DENND1B: variants seen among roughly 807,000 people sequenced by gnomAD.
DENND1B encodes the protein DENN domain-containing protein 1B.
Under a neutral mutation model 90.1 loss-of-function variants are expected in DENND1B, and 59 were observed. That is an observed-to-expected ratio of 0.65 (90% CI 0.53 to 0.81). The LOEUF is 0.81. DENND1B is among the 40% of genes least tolerant of loss of function. DENND1B has a pLI of 0.00. For missense variants in DENND1B, 862 were observed against 912.6 expected (o/e 0.94, Z 0.71); for synonymous variants, 337 against 324.6 (o/e 1.04, Z -0.41).
At chr1:197,550,139 T>C (rs1336558840) in intron 16 of DENND1B, among the ~76,000 whole-genome samples, 1 of 152,162 alleles carries the variant, frequency 6.6e-6, no homozygotes, top group Non-Finnish European at 1.5e-5. Context: ...CTTTAGTTAA[T>C]GTTAATTTCT....
chr1:197,764,690 A>C (rs530382094), intron 2 of DENND1B, among the ~76,000 whole-genome samples: 1 of 152,304 alleles, frequency 6.6e-6, no homozygotes, highest in South Asian at 2.1e-4. Flanking sequence ...TTGAGTTTAC[A>C]AGGTTTTCTT....
At chr1:197,624,592 C>T (rs566320780) in intron 10 of DENND1B, among the ~76,000 whole-genome samples, 13 of 151,778 alleles carry the variant, frequency 8.6e-5, no homozygotes, top group African/African-American at 1.7e-4. Flanking sequence ...AAACTGGAAA[C>T]TCTAAAAAGC....
intron 2 of DENND1B, chr1:197,736,002 T>A: frequency 9.6e-7 from 1 of 1,046,428 alleles, no homozygotes; most frequent in Non-Finnish European, 1.5e-6. Flanking sequence ...GCAAAGTATC[T>A]AAAAACACTG....
At chr1:197,661,358 CTTAG>C (rs946217102) in intron 5 of DENND1B, among the ~76,000 whole-genome samples, 3 of 151,924 alleles carry the variant, frequency 2.0e-5, no homozygotes, top group African/African-American at 7.3e-5. Flanking sequence ...ACACATAATC[CTTAG>C]TTAGAGCCTA....
chr1:197,735,156 C>T (rs1662523018), intron 2 of DENND1B: 1 of 984,610 alleles, frequency 1.0e-6, no homozygotes, highest in Non-Finnish European at 1.2e-6. Context: ...CAAAAGTTAA[C>T]AGAAAGGTAC....
At chr1:197,676,099 C>CAAAAAA (rs1656047065) in intron 3 of DENND1B, among the ~76,000 whole-genome samples, 1 of 45,338 alleles carries the variant, frequency 2.2e-5, no homozygotes, top group African/African-American at 1.0e-4. Flanking sequence ...AAAAAAAAAT[C>CAAAAAA]CTCTCTCAGC....
chr1:197,738,827 G>T (rs1026803790), intron 2 of DENND1B, among the ~76,000 whole-genome samples: 1 of 152,208 alleles, frequency 6.6e-6, no homozygotes, highest in East Asian at 1.9e-4. Context: ...ATCCCTGACA[G>T]AGATAAAACA....
chr1:197,770,590 T>TTG (rs59631965), intron 2 of DENND1B, among the ~76,000 whole-genome samples: 36,850 of 145,326 alleles, frequency 0.25, 5,117 homozygotes, highest in Middle Eastern at 0.39. Flanking sequence ...AATTAGCCTG[T>TTG]TGTGTGTGTG....
chr1:197,599,235 T>A (rs1352261738), intron 13 of DENND1B, among the ~76,000 whole-genome samples: 1 of 151,840 alleles, frequency 6.6e-6, no homozygotes, highest in East Asian at 1.9e-4. Context: ...AGGCAGAGCA[T>A]AAAAGGGGGT....
chr1:197,689,329 AAC>A (rs1396303927), intron 3 of DENND1B: 1 of 152,122 alleles, frequency 6.6e-6, no homozygotes, highest in Non-Finnish European at 1.5e-5. Flanking sequence ...CACTACCATG[AAC>A]ACAGTATGGG....
intron 5 of DENND1B, among the ~76,000 whole-genome samples, chr1:197,659,243 C>A (rs911921080): frequency 1.3e-5 from 2 of 151,424 alleles, no homozygotes; most frequent in African/African-American, 4.8e-5. Context: ...AGTACATACA[C>A]ATAACATGTA....
intron 14 of DENND1B, among the ~76,000 whole-genome samples, chr1:197,589,769 T>C (rs1675025840): frequency 6.6e-6 from 1 of 152,184 alleles, no homozygotes; most frequent in Admixed American, 6.5e-5. Flanking sequence ...ATCTTTATTC[T>C]TAAAGTAACT....
rs529303413 is a variant in DENND1B, at chr1:197,775,219, C to T, written c.-64G>A. The T allele has an allele frequency of 2.9e-5, 36 of 1,221,318 alleles. No individual in the cohort carries two copies. The South Asian group carries it at 1.1e-3, about 38-fold the overall frequency. The allele number at this position is 1,221,318 out of a possible 1,614,324, so 75.7% of individuals were successfully genotyped here. A position where few individuals can be genotyped will look rare whatever the true frequency, so the allele number is the denominator to read the frequency against. On this transcript the variant is annotated 5_prime_UTR_variant, in exon 1 of 23. Transcript: ENST00000620048. ...CGCGCTGGCCTGGAAGCCCGCAGCC[C>T]GGCCGCGCGAGGGTCGCGCCGTCCC...
chr1:197,554,144 C>CACAG (rs1671500360), intron 15 of DENND1B, among the ~76,000 whole-genome samples: 1 of 127,892 alleles, frequency 7.8e-6, no homozygotes. Context: ...CACACACACA[C>CACAG]ACACGTATTA....
chr1:197,626,855 A>G (rs1246231197), intron 10 of DENND1B, among the ~76,000 whole-genome samples: 1 of 152,090 alleles, frequency 6.6e-6, no homozygotes, highest in African/African-American at 2.4e-5. Flanking sequence ...TATCACCACC[A>G]ATCCCACAGA....
chr1:197,627,970 G>C (rs1408778738), intron 10 of DENND1B, among the ~76,000 whole-genome samples: 2 of 152,084 alleles, frequency 1.3e-5, no homozygotes, highest in Admixed American at 6.6e-5. Context: ...ACTTACAAGG[G>C]ATGTGAAGGA....
At chr1:197,620,984 G>A (rs1678106139) in intron 10 of DENND1B, among the ~76,000 whole-genome samples, 1 of 151,302 alleles carries the variant, frequency 6.6e-6, no homozygotes, top group African/African-American at 2.4e-5. Context: ...TGAAGGGAGA[G>A]AGTAAACTCG....
chr1:197,690,245 CA>C, intron 3 of DENND1B: 2 of 272,532 alleles, frequency 7.3e-6, no homozygotes, highest in South Asian at 5.4e-5. Flanking sequence ...CTGGTGACAG[CA>C]AAAATGACTC....
At chr1:197,576,950 G>C (rs1362170669) in intron 15 of DENND1B, among the ~76,000 whole-genome samples, 2 of 152,174 alleles carry the variant, frequency 1.3e-5, no homozygotes, top group East Asian at 3.9e-4. Context: ...CAGTAATCTA[G>C]ATTATCAGTT....
Sources: gnomAD v4.1 joint callset for allele counts (sites outside exome capture counted in the v4.1 genomes callset) on GRCh38, gnomAD v4.1.1 for gene constraint, MANE v1.5 for transcripts, NCBI Gene and HGNC (gene_info 2026-07-23, HGNC 2026-07-21) for gene names.